The following ABCC8 variants were observed in gnomAD, a reference collection of about 807,000 sequenced individuals.
The protein encoded by ABCC8 is ATP-binding cassette sub-family C member 8.
Under a neutral mutation model 188.0 loss-of-function variants are expected in ABCC8, and 137 were observed. The observed-to-expected ratio is 0.73, with a 90% CI of 0.63 to 0.84. The LOEUF (loss-of-function observed/expected upper bound fraction) is 0.84. Ranked by LOEUF, ABCC8 falls within the 40% of genes least tolerant of loss-of-function variation. The pLI, the probability that ABCC8 is intolerant of heterozygous loss-of-function variation, is 0.00. For missense variants in ABCC8, 1,750 were observed against 2,072.7 expected (o/e 0.84, Z 3.02); for synonymous variants, 797 against 846.5 (o/e 0.94, Z 1.01).
At chr11:17,436,324 C>A (rs1409357823) in intron 10 of ABCC8, 6 of 353,292 alleles carry the variant, frequency 1.7e-5, no homozygotes, top group African/African-American at 1.3e-4. Flanking sequence ...TCTCTGGGCA[C>A]AATAGTCAGT....
intron 8 of ABCC8, chr11:17,448,118 CTT>C: frequency 1.1e-5 from 2 of 176,922 alleles, no homozygotes; most frequent in Non-Finnish European, 2.4e-5. Flanking sequence ...TTTCTTTCTT[CTT>C]TTTTTTTTCT....
intron 10 of ABCC8, among the ~76,000 whole-genome samples, chr11:17,441,610 T>G (rs1956318455): frequency 6.6e-6 from 1 of 152,020 alleles, no homozygotes; most frequent in Admixed American, 6.6e-5. Context: ...AATATCTACA[T>G]CCCAATTATG....
chr11:17,450,308 T>TTCTTTCTC, intron 7 of ABCC8, among the ~76,000 whole-genome samples: 1 of 135,226 alleles, frequency 7.4e-6, no homozygotes. Context: ...CTTTCTTTCT[T>TTCTTTCTC]TCTTTCTTTC....
At chr11:17,460,843 G>C in intron 5 of ABCC8, 167 bp from the exon 6 acceptor site, 1 of 1,404,554 alleles carries the variant, frequency 7.1e-7, no homozygotes. Flanking sequence ...CAAGTGCACA[G>C]TTGGGAGGGC....
Position 17,395,370 on chromosome 11 carries a change from T to A in ABCC8, c.4308-95A>T, listed in dbSNP as rs1953859414. ...GGGCAGTGAGCGAGAGCAGACTGAGTTGGAGGTCTGGCTGGGAGAAGCACC... is the reference window on the plus strand; with the variant it reads ...GGGCAGTGAGCGAGAGCAGACTGAGATGGAGGTCTGGCTGGGAGAAGCACC... On this transcript the variant is annotated intron_variant, in intron 35 of 38. Transcript: ENST00000389817. 5 of 1,544,686 alleles carry A rather than the reference T, an allele frequency of 3.2e-6. No homozygotes were observed. In the East Asian group the frequency reaches 1.2e-4, roughly 38 times the overall value.
Position 17,404,686 on chromosome 11 carries a change from GGAGA to G in ABCC8, c.3400-21_3400-18del. 6.3e-7 allele frequency: 1 copy of G among 1,592,594 alleles called. No homozygotes were observed. Among genetic ancestry groups the G allele is most frequent in the East Asian group, 2.3e-5 (1 of 43,716 alleles). ...TGGGATGTGCTGAGGGAGACGAGGG[GGAGA>G]GAGTGAGGTGAATTTTGGTATTGAC... On this transcript the variant is annotated intron_variant, in intron 27 of 38. Coordinates refer to ENST00000389817, the MANE Select transcript of ABCC8 (RefSeq NM_000352.6). The surrounding 1 kb of genome is among the most constrained non-coding windows in gnomAD (Gnocchi z 4.7).
At position 17,470,110 on chromosome 11, in the gene ABCC8, G is replaced by C. The variant is rs368450282; in HGVS notation, c.403C>G (p.Leu135Val). Residue 135 changes from leucine to valine, a missense_variant, in exon 3 of 39, where the codon CTG becomes GTG. Transcript: ENST00000389817. ...HNIETSNFPK[L>V]LIALLVYWTL... ...CCTACACCTCACCTACCAATTAGCA[G>C]CTTGGGGAAGTTGGAAGTCTCGATG... is the stretch of plus-strand genomic sequence containing the variant. 3.3e-5 allele frequency: 53 copies of C among 1,614,030 alleles called. No homozygotes were observed. The highest frequency in any genetic ancestry group is 4.4e-5 in the Non-Finnish European group (52 of 1,180,046).
chr11:17,399,519 G>T (rs560986237), intron 29 of ABCC8, among the ~76,000 whole-genome samples: 4 of 152,006 alleles, frequency 2.6e-5, no homozygotes, highest in Non-Finnish European at 5.9e-5. Context: ...TCTTCATAAG[G>T]CTGGCTCAAC....
chr11:17,427,361 C>G lies in ABCC8; in HGVS notation c.2117-207G>C, dbSNP rs1955628472. 2 of 569,722 alleles carry G rather than the reference C, an allele frequency of 3.5e-6. No homozygotes were observed. The highest frequency in any genetic ancestry group is 7.8e-5 in the South Asian group (1 of 12,858). The allele number at this position is 569,722 out of a possible 1,614,324, so 35.3% of individuals were successfully genotyped here. A position where few individuals can be genotyped will look rare whatever the true frequency, so the allele number is the denominator to read the frequency against. On this transcript the variant is annotated intron_variant, in intron 15 of 38. Coordinates refer to ENST00000389817, the MANE Select transcript of ABCC8 (RefSeq NM_000352.6). This position sits in a 1 kb window ranked among gnomAD's most constrained non-coding sequence, Gnocchi z 5.0. ...TCTGGCTCCCCAGGTCCTTCCCCCTCTCTGATTTCCTGCCCCGCCACCCTT... is the reference window on the plus strand; with the variant it reads ...TCTGGCTCCCCAGGTCCTTCCCCCTGTCTGATTTCCTGCCCCGCCACCCTT...
intron 12 of ABCC8, 131 bp from the exon 13 acceptor site, chr11:17,428,801 G>A (rs1301870299): frequency 1.3e-6 from 2 of 1,516,606 alleles, no homozygotes; most frequent in East Asian, 4.9e-5. Flanking sequence ...CCACACTGAA[G>A]GGGGCAGACC....
At chr11:17,441,663 G>A (rs1197416790) in intron 10 of ABCC8, among the ~76,000 whole-genome samples, 4 of 152,120 alleles carry the variant, frequency 2.6e-5, no homozygotes, top group South Asian at 2.1e-4. Flanking sequence ...ACGGAGCCAC[G>A]AGACCAACTG....
At position 17,448,350 on chromosome 11, in the gene ABCC8, G is replaced by A. The variant is rs957669592; in HGVS notation, c.1332+166C>T. ...AGATGGTCAGTGCTTGCAGAGTATG[G>A]GACAGGAGGGACCCAGAGGTACAGC... On this transcript the variant is annotated intron_variant, in intron 8 of 38. Coordinates refer to ENST00000389817, the MANE Select transcript of ABCC8 (RefSeq NM_000352.6). 5.1e-5 allele frequency: 35 copies of A among 687,030 alleles called. No homozygotes were observed. The Admixed American group carries it at 6.8e-4, about 13-fold the overall frequency. The allele number at this position is 687,030 out of a possible 1,614,324, so 42.6% of individuals were successfully genotyped here.
chr11:17,405,464 G>T, intron 27 of ABCC8, 30 bp downstream of exon 27: 1 of 1,613,994 alleles, frequency 6.2e-7, no homozygotes, highest in South Asian at 1.1e-5. Flanking sequence ...GTCTCTGGAA[G>T]GGGGGATAGT....
chr11:17,394,909 C>T (rs1025527692), intron 36 of ABCC8, among the ~76,000 whole-genome samples: 2 of 152,104 alleles, frequency 1.3e-5, no homozygotes, highest in African/African-American at 4.8e-5. Context: ...ATGGGGGACT[C>T]GCAATCTCTG....
At chr11:17,408,798 TC>T (rs1369512580) in intron 22 of ABCC8, among the ~76,000 whole-genome samples, 4 of 152,146 alleles carry the variant, frequency 2.6e-5, no homozygotes, top group Non-Finnish European at 4.4e-5. Flanking sequence ...TCACAAGGAC[TC>T]CACCCACGGC....
chr11:17,423,214 C>T (rs564433090), intron 16 of ABCC8, among the ~76,000 whole-genome samples: 20 of 151,796 alleles, frequency 1.3e-4, no homozygotes, highest in Admixed American at 8.6e-4. Flanking sequence ...AAAAATTAGC[C>T]GGCATGGTGG....
chr11:17,416,326 T>C (rs1955071855), intron 17 of ABCC8, among the ~76,000 whole-genome samples: 2 of 152,156 alleles, frequency 1.3e-5, no homozygotes, highest in Admixed American at 1.3e-4. Context: ...GATTTGCACA[T>C]GAACATAAAG....
At chr11:17,402,885 C>T (rs1023156131) in intron 28 of ABCC8, 132 bp from the exon 29 acceptor site, 169 of 1,115,904 alleles carry the variant, frequency 1.5e-4, no homozygotes, top group Middle Eastern at 2.0e-4. Flanking sequence ...CTTCTTACCC[C>T]GTGAAGGGGG....
At chr11:17,412,884 G>A (rs1954883849) in intron 20 of ABCC8, 138 bp from the exon 21 acceptor site, 5 of 1,513,264 alleles carry the variant, frequency 3.3e-6, no homozygotes, top group Non-Finnish European at 4.4e-6. Flanking sequence ...CTTGCATAGA[G>A]AAGGAACTTG....
Sources: gnomAD v4.1 joint callset for allele counts (sites outside exome capture counted in the v4.1 genomes callset) on GRCh38, gnomAD v4.1.1 for gene constraint, Gnocchi (gnomAD v3.1) non-coding constraint, MANE v1.5 for transcripts, NCBI Gene and HGNC (gene_info 2026-07-23, HGNC 2026-07-21) for gene names.